The following ADCY8 variants were observed in gnomAD, a reference collection of about 807,000 sequenced individuals.
ADCY8 encodes the protein adenylate cyclase 8, also known as adenylate cyclase type 8.
A neutral mutation model predicts 119.7 loss-of-function variants in ADCY8; 51 were observed. The observed-to-expected ratio is 0.43, with a 90% CI of 0.34 to 0.54. The LOEUF is 0.54. Ranked by LOEUF, ADCY8 falls within the 20% of genes least tolerant of loss-of-function variation. ADCY8 has a pLI of 0.03. For synonymous variants in ADCY8, 665 were observed against 651.0 expected, an observed-to-expected ratio of 1.02 and a Z score of -0.33; for missense variants, 1,383 against 1,598.8, an observed-to-expected ratio of 0.87 and a Z score of 2.30.
intron 1 of ADCY8, among the ~76,000 whole-genome samples, chr8:131,016,212 G>A (rs929022254): frequency 2.0e-5 from 3 of 152,114 alleles, no homozygotes; most frequent in African/African-American, 7.2e-5. Context: ...AATGCAGTAT[G>A]GTGGGGGGAG....
chr8:130,789,744 A>G lies in ADCY8; in HGVS notation c.3061-4269T>C, dbSNP rs144426383. On this transcript the variant is annotated intron_variant, in intron 15 of 17. Transcript: ENST00000286355. ...TTTGAATCTTGATTGCTTGACTCCA[A>G]AGTCACGCCTGCCTTTCCTGCTACC... 1.7e-4 allele frequency among the ~76,000 whole-genome samples: 26 copies of G among 152,278 alleles called. No homozygotes were observed. In the East Asian group the frequency reaches 5.0e-3, roughly 29 times the overall value.
chr8:130,917,342 C>T (rs1032051477), intron 5 of ADCY8, among the ~76,000 whole-genome samples: 6 of 152,138 alleles, frequency 3.9e-5, no homozygotes, highest in Non-Finnish European at 5.9e-5. Context: ...GTGGTTTATT[C>T]CCATTTTACA....
intron 12 of ADCY8, among the ~76,000 whole-genome samples, chr8:130,822,721 A>T (rs543257186): frequency 6.6e-5 from 10 of 152,326 alleles, no homozygotes; most frequent in Non-Finnish European, 1.3e-4. Flanking sequence ...CTGAAAAAAG[A>T]TTAAAGACAT....
chr8:131,010,694 G>C (rs1046446622), intron 1 of ADCY8, among the ~76,000 whole-genome samples: 1 of 152,224 alleles, frequency 6.6e-6, no homozygotes, highest in African/African-American at 2.4e-5. Context: ...AGGATCTATA[G>C]TGTCTCAAGC....
chr8:131,020,161 G>C (rs1823619183), intron 1 of ADCY8, among the ~76,000 whole-genome samples: 1 of 152,158 alleles, frequency 6.6e-6, no homozygotes, highest in South Asian at 2.1e-4. Flanking sequence ...TCCCAGGAAA[G>C]AATTTGTCCT....
intron 1 of ADCY8, among the ~76,000 whole-genome samples, chr8:130,996,103 C>G (rs114989256): frequency 0.011 from 1,598 of 151,790 alleles, 34 homozygotes; most frequent in African/African-American, 0.037. Flanking sequence ...AGATAAAACA[C>G]CAAAACTATT....
intron 2 of ADCY8, among the ~76,000 whole-genome samples, chr8:130,980,123 C>A (rs187195945): frequency 8.3e-4 from 127 of 152,218 alleles, no homozygotes; most frequent in African/African-American, 3.0e-3. Flanking sequence ...CCAACCTCTG[C>A]CTCTGTCTTC....
At chr8:131,029,792 T>C (rs934174274) in intron 1 of ADCY8, among the ~76,000 whole-genome samples, 3 of 151,796 alleles carry the variant, frequency 2.0e-5, no homozygotes, top group African/African-American at 7.3e-5. Context: ...ACAGAGAGAC[T>C]GATTTCTCTT....
chr8:130,976,784 A>G (rs1282250905), intron 2 of ADCY8, among the ~76,000 whole-genome samples: 1 of 152,228 alleles, frequency 6.6e-6, no homozygotes, highest in Non-Finnish European at 1.5e-5. Context: ...CAGCATTCTC[A>G]GGAGATTATA....
In ADCY8 at chr8:130,932,755, C is replaced by T. The variant is rs74411750; in HGVS notation, c.1481+4318G>A. 4.0e-3 allele frequency among the ~76,000 whole-genome samples: 609 copies of T among 152,270 alleles called. 4 individuals carry two copies. Among genetic ancestry groups the T allele is most frequent in the African/African-American group, 0.014 (597 of 41,554 alleles). ...CCTATTTCATTAACTGGCTTTACTA[C>T]TCCTCACCCTCTTTGAAACCTGCCA... On this transcript the variant is annotated intron_variant, in intron 5 of 17. Transcript: ENST00000286355.
chr8:130,879,365 G>T (rs72714415), intron 8 of ADCY8, among the ~76,000 whole-genome samples: 12,131 of 152,284 alleles, frequency 0.08, 531 homozygotes, highest in Non-Finnish European at 0.1. Flanking sequence ...CAAGGTATAA[G>T]AAATGTGCAA....
chr8:130,901,221 T>C (rs1819588236), intron 7 of ADCY8, among the ~76,000 whole-genome samples: 1 of 150,492 alleles, frequency 6.6e-6, no homozygotes, highest in Non-Finnish European at 1.5e-5. Context: ...TCTAAAGTGA[T>C]TTTTTTTCCC....
intron 4 of ADCY8, among the ~76,000 whole-genome samples, chr8:130,937,644 A>G (rs76312129): frequency 0.025 from 3,839 of 152,326 alleles, 66 homozygotes; most frequent in Middle Eastern, 0.048. Flanking sequence ...TCACTTAGGA[A>G]TTCCTATTAC....
In ADCY8 at chr8:130,787,767, ATGTATGTGTG is replaced by A. The variant is rs1416532233; in HGVS notation, c.3061-2302_3061-2293del. Among the ~76,000 whole-genome samples, 1,057 of 151,092 alleles carry A rather than the reference ATGTATGTGTG, an allele frequency of 7.0e-3. 12 individuals carry two copies. Among genetic ancestry groups the A allele is most frequent in the African/African-American group, 0.024 (1,005 of 41,054 alleles). On this transcript the variant is annotated intron_variant, in intron 15 of 17. Transcript: ENST00000286355. Reference sequence around the variant, plus strand: ...GTGTTGTTTTCATGCCTGTGTCCACATGTATGTGTGCCTGTGTGTGGGTGCACACACACAT... The same window carrying A: ...GTGTTGTTTTCATGCCTGTGTCCACACCTGTGTGTGGGTGCACACACACAT...
chr8:130,814,291 A>G lies in ADCY8; in HGVS notation c.2755-64T>C, dbSNP rs560857570. The G allele has an allele frequency of 2.5e-5, 39 of 1,563,056 alleles. 1 individual carries two copies. The East Asian group carries it at 3.6e-4, about 14-fold the overall frequency. ...CTTCTGAGGTGTAGGCTTCAGGCAC[A>G]GACAACTGGGAGGCAGGAAAGGCTT... is the stretch of plus-strand genomic sequence containing the variant. On this transcript the variant is annotated intron_variant, in intron 13 of 17. Coordinates refer to ENST00000286355, the MANE Select transcript of ADCY8 (RefSeq NM_001115.3).
intron 15 of ADCY8, among the ~76,000 whole-genome samples, chr8:130,798,330 C>T (rs13258256): frequency 0.17 from 25,801 of 152,070 alleles, 2,584 homozygotes; most frequent in Non-Finnish European, 0.22. Flanking sequence ...AGCCTTCAAC[C>T]GTAGAAGTAG....
Position 130,951,872 on chromosome 8 carries a change from C to G in ADCY8, c.1237G>C (p.Val413Leu). The G allele has an allele frequency of 1.2e-6, 2 of 1,613,970 alleles. No homozygotes were observed. The highest frequency in any genetic ancestry group is 1.7e-6 in the Non-Finnish European group (2 of 1,179,918). Residue 413 changes from valine to leucine, a missense_variant, in exon 3 of 18, where the codon GTC becomes CTC. Coordinates refer to ENST00000286355, the MANE Select transcript of ADCY8 (RefSeq NM_001115.3). ...CAAGGGTGTTGTGTTTCTCACCTGACGTTCTCATAGCGATGGATGTAGATC... is the reference window on the plus strand; with the variant it reads ...CAAGGGTGTTGTGTTTCTCACCTGAGGTTCTCATAGCGATGGATGTAGATC... ...HRIYIHRYEN[V>L]SILFADVKGF...
chr8:130,991,983 G>A (rs1345185007), intron 1 of ADCY8, among the ~76,000 whole-genome samples: 9 of 151,254 alleles, frequency 6.0e-5, no homozygotes, highest in Non-Finnish European at 1.0e-4. Flanking sequence ...CATAGATGAC[G>A]GAAGAATCAG....
chr8:130,902,008 C>T (rs1177207181), intron 7 of ADCY8, among the ~76,000 whole-genome samples: 2 of 152,096 alleles, frequency 1.3e-5, no homozygotes, highest in African/African-American at 2.4e-5. Context: ...TAGAATAAAA[C>T]CAAGAACCTC....
Sources: allele counts gnomAD v4.1 joint callset (sites outside exome capture counted in the v4.1 genomes callset), GRCh38; gene constraint gnomAD v4.1.1; transcripts MANE v1.5; gene names NCBI Gene and HGNC (gene_info 2026-07-23, HGNC 2026-07-21).